PLCXD1: variants seen among roughly 807,000 people sequenced by gnomAD.
The protein encoded by PLCXD1 is PI-PLC X domain-containing protein 1.
A neutral mutation model predicts 37.8 loss-of-function variants in PLCXD1; 45 were observed. That is an observed-to-expected ratio of 1.19 (90% CI 0.94 to 1.53). PLCXD1 has a LOEUF of 1.53. Among genes scored for constraint, PLCXD1 ranks in the 40% most tolerant of loss-of-function variants. The pLI is 0.00. For synonymous variants in PLCXD1, 246 were observed against 206.9 expected (o/e 1.19, Z -1.62); for missense variants, 539 against 454.7 (o/e 1.19, Z -1.69).
At chrX:284,598 ACGCACACACG>A (rs955562522) in intron 2 of PLCXD1, among the ~76,000 whole-genome samples, 6 of 61,382 alleles carry the variant, frequency 9.8e-5, no homozygotes, top group Non-Finnish European at 1.6e-4. Flanking sequence ...ACACGCACAC[ACGCACACACG>A]CACACATGCA....
chrX:278,325 C>T (rs1258060646), upstream of PLCXD1, among the ~76,000 whole-genome samples: 10 of 152,048 alleles, frequency 6.6e-5, no homozygotes, highest in East Asian at 3.9e-4. Context: ...GGATGGAATC[C>T]GTCATGACAC....
At position 288,740 on chromosome X, in the gene PLCXD1, C is replaced by T. The variant is rs777635871; in HGVS notation, c.135C>T (p.His45=). The T allele has an allele frequency of 3.0e-5, 49 of 1,613,714 alleles. No individual in the cohort carries two copies. The highest frequency in any genetic ancestry group is 5.0e-5 in the Admixed American group (3 of 59,990). The part of the protein sequence containing the change: ...PLHHLSIPGS[H]DTMTYCLNKK... ...TGTGTGCTTTGCTCTCAGGGAGCCA[C>T]GACACGATGACGTACTGCCTGAACA... The change falls in exon 3 of 7, where the codon CAC becomes CAT. Residue 45 remains histidine, a synonymous_variant. Transcript: ENST00000381657.
upstream of PLCXD1, among the ~76,000 whole-genome samples, chrX:279,361 C>T (rs186203253): frequency 2.6e-5 from 4 of 152,284 alleles, no homozygotes; most frequent in African/African-American, 7.2e-5. Flanking sequence ...GGCTGAGCTT[C>T]GGCTCAGAGG....
intron 5 of PLCXD1, among the ~76,000 whole-genome samples, chrX:292,774 G>A (rs2069677462): frequency 6.6e-6 from 1 of 151,828 alleles, no homozygotes; most frequent in South Asian, 2.1e-4. Flanking sequence ...CACCGCACCC[G>A]GCCAATTTTT....
upstream of PLCXD1, among the ~76,000 whole-genome samples, chrX:280,356 GGGGGGCCGTGC>G (rs1569564334): frequency 0.094 from 7,585 of 80,310 alleles, 1,477 homozygotes; most frequent in Middle Eastern, 0.13. Context: ...GCAGGGGGAA[GGGGGGCCGTGC>G]AGGGGGAAGG....
chrX:284,131 C>T (rs2069367188), intron 1 of PLCXD1, 36 bp from the exon 2 acceptor site: 1 of 1,584,204 alleles, frequency 6.3e-7, no homozygotes, highest in East Asian at 2.2e-5. Context: ...CCTGAAGTCA[C>T]CGTAAAAAAC....
In PLCXD1 at chrX:281,631, G is replaced by T. The variant is rs1035278562; in HGVS notation, c.-75G>T. 9 of 152,186 alleles carry T rather than the reference G, an allele frequency of 5.9e-5. No homozygotes were observed. Among genetic ancestry groups the T allele is most frequent in the African/African-American group, 2.2e-4 (9 of 41,432 alleles). 9.4% of individuals were successfully genotyped at this position (152,186 alleles called of 1,614,324 possible). A position where few individuals can be genotyped will look rare whatever the true frequency, so the allele number is the denominator to read the frequency against. On this transcript the variant is annotated 5_prime_UTR_variant, in exon 1 of 7. Transcript: ENST00000381657. ...CCAGGGAGACCAGGCCTTTCATTCT[G>T]GGCTCGAGACCAACAATTCGAATTC...
chrX:300,462 A>ATGTG lies in PLCXD1; in HGVS notation c.*1141_*1144dup, dbSNP rs774233905. ...TGTATGTATGTTTATACATGTGTAT[A>ATGTG]TGTGTGTGTGTGTGTGTATATGTGT... On this transcript the variant is annotated 3_prime_UTR_variant, in exon 7 of 7. Transcript: ENST00000381657. 2 of 142,614 alleles carry ATGTG rather than the reference A, an allele frequency of 1.4e-5. No homozygotes were observed. Among genetic ancestry groups the ATGTG allele is most frequent in the Non-Finnish European group, 3.1e-5 (2 of 64,482 alleles). The allele number at this position is 142,614 out of a possible 1,614,324, so 8.8% of individuals were successfully genotyped here. A position where few individuals can be genotyped will look rare whatever the true frequency, so the allele number is the denominator to read the frequency against.
intron 2 of PLCXD1, among the ~76,000 whole-genome samples, chrX:287,441 A>G (rs1322632674): frequency 1.5e-5 from 2 of 136,732 alleles, no homozygotes; most frequent in African/African-American, 2.8e-5. Context: ...AGATATATAT[A>G]CACTATATAT....
At chrX:288,993 A>G (rs2069544484) in intron 3 of PLCXD1, 124 bp downstream of exon 3, 2 of 896,492 alleles carry the variant, frequency 2.2e-6, no homozygotes, top group Admixed American at 2.1e-5. Context: ...CTCAGGAGGC[A>G]GGTTCCTATC....
chrX:283,992 C>T, intron 1 of PLCXD1, 175 bp from the exon 2 acceptor site: 1 of 580,006 alleles, frequency 1.7e-6, no homozygotes, highest in Non-Finnish European at 3.1e-6. Context: ...AGCGATTCTC[C>T]TGCCTCAGCC....
Position 293,198 on chromosome X carries a change from T to C in PLCXD1, c.713T>C (p.Met238Thr), listed in dbSNP as rs766579310. ...TEALIRYLET[M>T]KSCGRPGGLF... Reference sequence around the variant, plus strand: ...GCCCTCATCCGATACCTGGAGACCATGAAGAGCTGCGGCCGCCCAGGTACC... The same window carrying C: ...GCCCTCATCCGATACCTGGAGACCACGAAGAGCTGCGGCCGCCCAGGTACC... The change falls in exon 6 of 7, where the codon ATG (methionine) becomes ACG (threonine). Residue 238 changes from methionine to threonine, a missense_variant. Met to Thr is a moderately conservative substitution (Grantham distance 81, BLOSUM62 -1). Transcript: ENST00000381657. 2 of 1,610,970 alleles carry C rather than the reference T, an allele frequency of 1.2e-6. No individual in the cohort carries two copies. The highest frequency in any genetic ancestry group is 2.2e-5 in the East Asian group (1 of 44,832).
rs781480255 is a variant in PLCXD1 at position 299,200 on chromosome X, G to T, written c.837G>T (p.Arg279=). ...LEKMTLPNLP[R]LSAWVREQCP... ...AGATGACGCTGCCCAACCTTCCGCG[G>T]CTGAGCGCGTGGGTCCGAGAGCAGT... The change falls in exon 7 of 7, where the codon CGG becomes CGT. Residue 279 remains arginine (R), a synonymous_variant. Transcript: ENST00000381657. The T allele has an allele frequency of 2.2e-5, 36 of 1,613,776 alleles. No individual in the cohort carries two copies. Among genetic ancestry groups the T allele is most frequent in the Non-Finnish European group, 3.0e-5 (35 of 1,179,846 alleles).
chrX:296,323 G>C (rs923146271), intron 6 of PLCXD1, among the ~76,000 whole-genome samples: 7 of 151,244 alleles, frequency 4.6e-5, no homozygotes, highest in Non-Finnish European at 1.5e-5. Flanking sequence ...AAGGGTTTCA[G>C]CGTGTTGGTC....
In PLCXD1 at chrX:282,405, A is replaced by C. The variant is rs868093029; in HGVS notation, c.-22+721A>C. Among the ~76,000 whole-genome samples, 1,288 of 148,396 alleles carry C rather than the reference A, an allele frequency of 8.7e-3. 13 individuals are homozygous for C. Among genetic ancestry groups the C allele is most frequent in the African/African-American group, 0.031 (1,206 of 38,514 alleles). ...CTTTAAAAAAAACAAAACAAAACAA[A>C]AAAAAAACCGTACATACAGCTGGGC... On this transcript the variant is annotated intron_variant, in intron 1 of 6. Coordinates refer to ENST00000381657, the MANE Select transcript of PLCXD1 (RefSeq NM_018390.4).
chrX:291,335 G>A (rs1467939304), intron 4 of PLCXD1, among the ~76,000 whole-genome samples, 164 bp from the exon 5 acceptor site: 3 of 151,916 alleles, frequency 2.0e-5, no homozygotes, highest in Non-Finnish European at 4.4e-5. Context: ...TAGTAGATAC[G>A]GGGTTTCACC....
intron 3 of PLCXD1, 66 bp downstream of exon 3, chrX:288,935 G>C (rs2069542995): frequency 5.3e-6 from 8 of 1,499,348 alleles, no homozygotes; most frequent in Non-Finnish European, 6.5e-6. Flanking sequence ...GCCCCGTGGT[G>C]CTGAAATGGC....
intron 6 of PLCXD1, among the ~76,000 whole-genome samples, chrX:294,460 C>T (rs1230149039): frequency 6.8e-5 from 10 of 147,824 alleles, no homozygotes; most frequent in African/African-American, 1.0e-4. Context: ...CCAGCCTGGG[C>T]GACAGAGTGG....
chrX:289,581 G>A (rs775591984), intron 3 of PLCXD1, among the ~76,000 whole-genome samples: 3 of 143,974 alleles, frequency 2.1e-5, no homozygotes, highest in Non-Finnish European at 4.5e-5. Context: ...GTGCCATCTC[G>A]GCTCACTGCA....
Sources: allele counts gnomAD v4.1 joint callset (sites outside exome capture counted in the v4.1 genomes callset), GRCh38; gene constraint gnomAD v4.1.1; transcripts MANE v1.5; gene names NCBI Gene and HGNC (gene_info 2026-07-23, HGNC 2026-07-21).